The following ERBIN variants were observed in gnomAD, a reference collection of about 807,000 sequenced individuals.
ERBIN encodes densin-180-like protein.
In ERBIN, 60 loss-of-function variants were observed where a neutral mutation model predicts 158.4. That is an observed-to-expected ratio of 0.38 (90% CI 0.31 to 0.47). The LOEUF (loss-of-function observed/expected upper bound fraction) is 0.47, where lower values mean the gene tolerates loss of function less well. Ranked by LOEUF, ERBIN falls within the 20% of genes least tolerant of loss-of-function variation. ERBIN has a pLI of 0.99. For synonymous variants in ERBIN, 594 were observed against 557.2 expected, an observed-to-expected ratio of 1.07 and a Z score of -0.93; for missense variants, 1,610 against 1,648.0, an observed-to-expected ratio of 0.98 and a Z score of 0.40.
rs552489138 is a variant in ERBIN, at chr5:66,037,208, C to T, written c.1207-1175C>T. On this transcript the variant is annotated intron_variant, in intron 14 of 25. Coordinates refer to ENST00000284037, the MANE Select transcript of ERBIN (RefSeq NM_001253697.2). The stretch of plus-strand genomic sequence containing the variant: ...TGTGTTTTGTATATGTTGAATTACT[C>T]GTGACTTTGGAAAAATTTGGTGTAA... Among the ~76,000 whole-genome samples, 7 of 151,784 alleles carry T rather than the reference C, an allele frequency of 4.6e-5. No individual in the cohort carries two copies. The South Asian group carries it at 1.5e-3, about 32-fold the overall frequency.
rs2151322303 is a variant in ERBIN, at chr5:66,081,914, AAAAGT to A, written c.*3387_*3391del. 6.6e-6 allele frequency: 1 copy of A among 152,098 alleles called. No homozygotes were observed. The highest frequency in any genetic ancestry group is 1.9e-4 in the East Asian group (1 of 5,190). 9.4% of individuals were successfully genotyped at this position (152,098 alleles called of 1,614,324 possible). A position where few individuals can be genotyped will look rare whatever the true frequency, so the allele number is the denominator to read the frequency against. The stretch of plus-strand genomic sequence containing the variant: ...GATGCCTCTTTAAAAAAAAAAAAGA[AAAAGT>A]AATCTAGACAGGCAGCCAACTCAGA... On this transcript the variant is annotated 3_prime_UTR_variant, in exon 26 of 26. Transcript: ENST00000284037.
chr5:66,052,473 ATAT>A (rs567323169), intron 20 of ERBIN, among the ~76,000 whole-genome samples: 7 of 152,102 alleles, frequency 4.6e-5, no homozygotes, highest in African/African-American at 7.2e-5. Flanking sequence ...AACCTCCTAG[ATAT>A]TATCGTATTA....
intron 1 of ERBIN, among the ~76,000 whole-genome samples, chr5:65,938,476 C>G (rs1286054539): frequency 2.0e-5 from 3 of 150,642 alleles, no homozygotes; most frequent in Admixed American, 6.6e-5. Context: ...GCTGAAGTGA[C>G]AGGTGTGCAC....
At chr5:66,034,392 C>T (rs1414121922) in intron 14 of ERBIN, among the ~76,000 whole-genome samples, 1 of 151,842 alleles carries the variant, frequency 6.6e-6, no homozygotes, top group Non-Finnish European at 1.5e-5. Flanking sequence ...TGGGTCCAGG[C>T]AATTTTCCTG....
At position 66,053,663 on chromosome 5, in the gene ERBIN, A is replaced by G. The variant is rs1759277450; in HGVS notation, c.2345A>G (p.Glu782Gly). 1 of 1,613,738 alleles carries G rather than the reference A, an allele frequency of 6.2e-7. No homozygotes were observed. Among genetic ancestry groups the G allele is most frequent in the Non-Finnish European group, 8.5e-7 (1 of 1,179,926 alleles). ...TNDTFQPEIM[E>G]RSKTQDIVLG... The stretch of plus-strand genomic sequence containing the variant: ...GATACATTTCAACCAGAGATCATGG[A>G]AAGATCAAAAACACAGGATATTGTG... The change falls in exon 21 of 26, where the codon GAA (glutamate) becomes GGA (glycine). Residue 782 changes from glutamate (E) to glycine (G), a missense_variant. By Grantham distance (98) the Glu-to-Gly change is moderately conservative. Around this residue, in one of 2 missense-constraint regions of ERBIN, gnomAD observed 1,014 missense variants for 936.1 expected, o/e 1.08. Transcript: ENST00000284037.
intron 7 of ERBIN, among the ~76,000 whole-genome samples, chr5:66,017,468 T>C (rs1419581003): frequency 6.6e-6 from 1 of 152,100 alleles, no homozygotes. Flanking sequence ...CATTTGCACG[T>C]CTTCTTTTGA....
At chr5:66,028,569 A>G (rs1756519271) in intron 14 of ERBIN, among the ~76,000 whole-genome samples, 3 of 152,154 alleles carry the variant, frequency 2.0e-5, no homozygotes, top group South Asian at 4.1e-4. Context: ...TTTCTCCTAA[A>G]TCTGTTAAAA....
In ERBIN at chr5:66,012,081, T is replaced by A. The variant is rs745599488; in HGVS notation, c.340T>A (p.Cys114Ser). 1.2e-6 allele frequency: 2 copies of A among 1,606,732 alleles called. No homozygotes were observed. Among genetic ancestry groups the A allele is most frequent in the South Asian group, 2.2e-5 (2 of 89,952 alleles). The change falls in exon 5 of 26, where the codon TGT (cysteine) becomes AGT (serine). Residue 114 changes from cysteine to serine, a missense_variant. This residue lies in a region of ERBIN where 596 missense variants were observed against 711.9 expected (regional missense o/e 0.84). Coordinates refer to ENST00000284037, the MANE Select transcript of ERBIN (RefSeq NM_001253697.2). ...IQEFPENIKN[C>S]KVLTIVEASV... is the part of the protein sequence containing the mutation. ...GGAGTTTCCAGAAAATATAAAAAAT[T>A]GTAAAGTTTTGACAATTGTGGAGGC...
At chr5:65,952,424 ATCAT>A (rs770180085) in intron 1 of ERBIN, among the ~76,000 whole-genome samples, 6 of 151,652 alleles carry the variant, frequency 4.0e-5, no homozygotes, top group Non-Finnish European at 5.9e-5. Context: ...CATAGGCATG[ATCAT>A]GGTGCATTGC....
chr5:66,057,421 A>C (rs1411990434), intron 21 of ERBIN, among the ~76,000 whole-genome samples: 1 of 152,180 alleles, frequency 6.6e-6, no homozygotes, highest in Non-Finnish European at 1.5e-5. Flanking sequence ...TCAGCTGATT[A>C]AAGTTATTTT....
chr5:65,937,880 C>T (rs1265839187), intron 1 of ERBIN, among the ~76,000 whole-genome samples: 1 of 151,962 alleles, frequency 6.6e-6, no homozygotes, highest in African/African-American at 2.4e-5. Flanking sequence ...CTGCACCCAG[C>T]CTGGGGGACT....
intron 1 of ERBIN, among the ~76,000 whole-genome samples, chr5:65,937,724 C>A (rs879839169): frequency 2.7e-4 from 41 of 152,030 alleles, no homozygotes; most frequent in Non-Finnish European, 5.1e-4. Flanking sequence ...CTGGCTAACA[C>A]GGTGAAACCC....
At chr5:65,992,981 C>T in intron 3 of ERBIN, 74 bp downstream of exon 3, 1 of 1,161,590 alleles carries the variant, frequency 8.6e-7, no homozygotes, top group Non-Finnish European at 1.2e-6. Context: ...CCTAATATTG[C>T]TATAAAGTTG....
intron 5 of ERBIN, among the ~76,000 whole-genome samples, chr5:66,012,500 A>G (rs1425922304): frequency 1.3e-5 from 2 of 152,200 alleles, no homozygotes; most frequent in African/African-American, 2.4e-5. Context: ...AAGTTTCTTC[A>G]CAGTTTTAAC....
rs1742697302 is a variant in ERBIN, at chr5:65,926,747, A to G, written c.-117A>G. On this transcript the variant is annotated 5_prime_UTR_variant, in exon 1 of 26. Transcript: ENST00000284037. ...GGATCCAAAGTGACTGATGAAGGGA[A>G]GGAAATCATGTCAAGCGAAGCCTTG... 1 of 152,080 alleles carries G rather than the reference A, an allele frequency of 6.6e-6. No homozygotes were observed. Among genetic ancestry groups the G allele is most frequent in the Non-Finnish European group, 1.5e-5 (1 of 68,030 alleles). The allele number at this position is 152,080 out of a possible 1,614,324, so 9.4% of individuals were successfully genotyped here. A position where few individuals can be genotyped will look rare whatever the true frequency, so the allele number is the denominator to read the frequency against.
intron 1 of ERBIN, among the ~76,000 whole-genome samples, chr5:65,986,489 C>T (rs956830474): frequency 1.3e-5 from 2 of 152,274 alleles, no homozygotes; most frequent in African/African-American, 2.4e-5. Context: ...GTTAAACACA[C>T]ACGTTAAACA....
At chr5:65,996,265 T>TTTA (rs1752430814) in intron 4 of ERBIN, among the ~76,000 whole-genome samples, 3 of 75,844 alleles carry the variant, frequency 4.0e-5, no homozygotes, top group African/African-American at 1.2e-4. Flanking sequence ...TTTTTTTTTT[T>TTTA]AACAGTTTTG....
At chr5:65,965,559 C>CATGCCTAGCTA (rs58300091) in intron 1 of ERBIN, among the ~76,000 whole-genome samples, 1 of 151,530 alleles carries the variant, frequency 6.6e-6, no homozygotes, top group Non-Finnish European at 1.5e-5. Context: ...CATGTGCTAC[C>CATGCCTAGCTA]ATTTTTGTAT....
chr5:65,929,580 C>G (rs1414485305), intron 1 of ERBIN, among the ~76,000 whole-genome samples: 3 of 148,550 alleles, frequency 2.0e-5, no homozygotes, highest in African/African-American at 7.5e-5. Flanking sequence ...CTTCCGTTTT[C>G]TTTTTCTGGG....
Sources: gnomAD v4.1 joint callset for allele counts (sites outside exome capture counted in the v4.1 genomes callset) on GRCh38, gnomAD v4.1.1 for gene constraint, gnomAD v4.1.1 regional missense constraint, MANE v1.5 for transcripts, NCBI Gene and HGNC (gene_info 2026-07-23, HGNC 2026-07-21) for gene names.